CUBN: variants seen among roughly 807,000 people sequenced by gnomAD.
The protein encoded by CUBN is 460 kDa receptor.
In CUBN, 282 loss-of-function variants were observed where a neutral mutation model predicts 405.3. That is an observed-to-expected ratio of 0.70 (90% CI 0.63 to 0.77). CUBN has a LOEUF of 0.77. Among genes scored for constraint, CUBN ranks in the 30% least tolerant of loss-of-function variants. The pLI, the probability that CUBN is intolerant of heterozygous loss-of-function variation, is 0.00. For missense variants in CUBN, 4,514 were observed against 4,475.2 expected (o/e 1.01, Z -0.25); for synonymous variants, 1,684 against 1,617.0 (o/e 1.04, Z -0.99).
chr10:16,825,271 G>A lies in CUBN; in HGVS notation c.10765-189C>T, dbSNP rs190256205. ...GCTTTACAAAGGAATATTTCTGGGC[G>A]TGGGGAGTTGAGGGAAAATGGGGAA... is the stretch of plus-strand genomic sequence containing the variant. On this transcript the variant is annotated intron_variant, in intron 66 of 66. Transcript: ENST00000377833. 2.4e-4 allele frequency among the ~76,000 whole-genome samples: 36 copies of A among 152,206 alleles called. 1 individual carries two copies. The South Asian group carries it at 4.1e-3, about 18-fold the overall frequency.
At chr10:16,877,218 A>C in intron 56 of CUBN, 121 bp from the exon 57 acceptor site, 1 of 880,178 alleles carries the variant, frequency 1.1e-6, no homozygotes, top group Non-Finnish European at 1.8e-6. Flanking sequence ...TAAAATGAGA[A>C]ACGAGATATT....
Position 16,915,963 on chromosome 10 carries a change from T to G in CUBN, c.7068A>C (p.Pro2356=). Residue 2356 remains proline, a synonymous_variant, in exon 46 of 67, where the codon CCA becomes CCC. Transcript: ENST00000377833. ...VVESIGHPTL[P]YRDNLFCEWH... ...ACTCACAGAATAAGTTGTCTCTGTA[T>G]GGAAGTGTTGGATGTCCAATGCTTT... 6.2e-7 allele frequency: 1 copy of G among 1,614,174 alleles called. No individual in the cohort carries two copies. Among genetic ancestry groups the G allele is most frequent in the East Asian group, 2.2e-5 (1 of 44,876 alleles).
intron 31 of CUBN, among the ~76,000 whole-genome samples, chr10:16,975,689 G>A (rs1352194858): frequency 4.2e-5 from 6 of 141,596 alleles, no homozygotes; most frequent in South Asian, 2.3e-4. Flanking sequence ...GGAGTGCAGT[G>A]GTGCAATCTT....
chr10:16,835,154 T>G lies in CUBN; in HGVS notation c.10222A>C (p.Ser3408Arg), dbSNP rs377414794. The G allele has an allele frequency of 2.7e-5, 43 of 1,614,104 alleles. No homozygotes were observed. The highest frequency in any genetic ancestry group is 3.4e-5 in the Non-Finnish European group (40 of 1,180,032). ...TCGTAGTTATCTGGCCATCCAGGGC[T>G]TCTCAGGTTGCCAAATGCCTTGTGA... ...DYHKAFGNLR[S>R]PGWPDNYDND... The change falls in exon 64 of 67, where the codon AGC becomes CGC. Residue 3408 changes from serine to arginine, a missense_variant. Transcript: ENST00000377833.
chr10:16,948,695 A>G, intron 34 of CUBN, 89 bp from the exon 35 acceptor site: 2 of 1,536,022 alleles, frequency 1.3e-6, no homozygotes, highest in South Asian at 2.4e-5. Context: ...TCGAATTACA[A>G]GAGACCAAAA....
At chr10:16,868,514 A>G (rs1840252483) in intron 59 of CUBN, among the ~76,000 whole-genome samples, 1 of 152,196 alleles carries the variant, frequency 6.6e-6, no homozygotes, top group Admixed American at 6.5e-5. Context: ...TCACATCTAT[A>G]TTCAAAAGGA....
intron 53 of CUBN, 63 bp downstream of exon 53, chr10:16,900,562 T>C (rs1841328340): frequency 3.3e-6 from 4 of 1,230,234 alleles, no homozygotes; most frequent in Non-Finnish European, 4.8e-6. Context: ...AAAATGTACA[T>C]ATTATGAGTT....
rs1308046316 is a variant in CUBN, at chr10:16,915,142, G to T, written c.7241C>A (p.Thr2414Asn). 1.9e-6 allele frequency: 3 copies of T among 1,613,858 alleles called. No homozygotes were observed. The highest frequency in any genetic ancestry group is 2.2e-5 in the East Asian group (1 of 44,884). The change falls in exon 47 of 67, where the codon ACC (threonine) becomes AAC (asparagine). Residue 2414 changes from threonine to asparagine, a missense_variant. Coordinates refer to ENST00000377833, the MANE Select transcript of CUBN (RefSeq NM_001081.4). ...AGAAGTGTCTATGCTGTCAGGAATG[G>T]TGTTTCCACAGTATCTGCCCAAGAT... ...GNILGRYCGN[T>N]IPDSIDTSSN...
chr10:16,938,658 AAG>A (rs986483168), intron 38 of CUBN, among the ~76,000 whole-genome samples: 1 of 152,268 alleles, frequency 6.6e-6, no homozygotes, highest in South Asian at 2.1e-4. Context: ...CATAAAAACA[AAG>A]AGGATAGTAG....
chr10:16,870,102 A>G (rs1840307129), intron 58 of CUBN, among the ~76,000 whole-genome samples: 1 of 152,228 alleles, frequency 6.6e-6, no homozygotes, highest in African/African-American at 2.4e-5. Flanking sequence ...TGAGTAAGAT[A>G]CAGTCTTACT....
At chr10:17,061,680 T>A (rs1179188519) in intron 22 of CUBN, among the ~76,000 whole-genome samples, 1 of 152,192 alleles carries the variant, frequency 6.6e-6, no homozygotes, top group Non-Finnish European at 1.5e-5. Flanking sequence ...GAAAGCCCAG[T>A]AGGGCTCATC....
Position 16,828,785 on chromosome 10 carries a change from A to C in CUBN, c.10764+20T>G. ...GTCTAAAAATAACAAATGGGAATAT[A>C]AAATGTTTGTTTTACTCACGCCTCC... On this transcript the variant is annotated intron_variant, in intron 66 of 66. Coordinates refer to ENST00000377833, the MANE Select transcript of CUBN (RefSeq NM_001081.4). 6.5e-7 allele frequency: 1 copy of C among 1,546,718 alleles called. No individual in the cohort carries two copies. The highest frequency in any genetic ancestry group is 8.9e-7 in the Non-Finnish European group (1 of 1,118,818).
At chr10:16,961,704 C>CTTTTTTT (rs138499807) in intron 31 of CUBN, among the ~76,000 whole-genome samples, 6 of 74,048 alleles carry the variant, frequency 8.1e-5, no homozygotes, top group Admixed American at 1.7e-4. Flanking sequence ...AAAGCAATCC[C>CTTTTTTT]TTTTTTTTTT....
intron 40 of CUBN, among the ~76,000 whole-genome samples, chr10:16,930,898 T>C (rs1588660988): frequency 6.6e-6 from 1 of 152,340 alleles, no homozygotes; most frequent in East Asian, 1.9e-4. Flanking sequence ...GAATGTTACA[T>C]GCTTCTGCTA....
At position 17,088,441 on chromosome 10, in the gene CUBN, T is replaced by G; in HGVS notation, c.1766-96A>C. 4.1e-6 allele frequency: 4 copies of G among 973,914 alleles called. No homozygotes were observed. In the South Asian group the frequency reaches 5.6e-5, roughly 14 times the overall value. 60.3% of individuals were successfully genotyped at this position (973,914 alleles called of 1,614,324 possible). A position where few individuals can be genotyped will look rare whatever the true frequency, so the allele number is the denominator to read the frequency against. On this transcript the variant is annotated intron_variant, in intron 14 of 66. Coordinates refer to ENST00000377833, the MANE Select transcript of CUBN (RefSeq NM_001081.4). ...TTGGCGTAAGAAGCCAAACTTTGTT[T>G]AAATAACTATGAGCAGTTTTAGACA... is the stretch of plus-strand genomic sequence containing the variant.
chr10:16,908,492 C>T (rs1841620895), intron 48 of CUBN, among the ~76,000 whole-genome samples: 1 of 152,132 alleles, frequency 6.6e-6, no homozygotes, highest in African/African-American at 2.4e-5. Flanking sequence ...AAATCAATCT[C>T]CATCTGCAAT....
chr10:17,040,159 A>G (rs1186132340), intron 27 of CUBN, among the ~76,000 whole-genome samples: 1 of 152,180 alleles, frequency 6.6e-6, no homozygotes, highest in Non-Finnish European at 1.5e-5. Flanking sequence ...CCACCTTAAA[A>G]ACAACTACCT....
At chr10:17,114,241 A>C (rs769264686) in intron 7 of CUBN, 52 bp from the exon 8 acceptor site, 33 of 1,577,828 alleles carry the variant, frequency 2.1e-5, no homozygotes, top group African/African-American at 4.0e-5. Context: ...ATCAGCAAGA[A>C]AAGCCTTTGA....
In CUBN at chr10:16,918,547, A is replaced by G. The variant is rs148034376; in HGVS notation, c.7000+75T>C. ...AATAATCTCTACAACAAACCCCCAAACACGAATTTACCTATATAACAAATC... is the reference window on the plus strand; with the variant it reads ...AATAATCTCTACAACAAACCCCCAAGCACGAATTTACCTATATAACAAATC... On this transcript the variant is annotated intron_variant, in intron 45 of 66. Transcript: ENST00000377833. 629 of 1,142,468 alleles carry G rather than the reference A, an allele frequency of 5.5e-4. 2 individuals are homozygous for G. The African/African-American group carries it at 7.6e-3, about 14-fold the overall frequency. 70.8% of individuals were successfully genotyped at this position (1,142,468 alleles called of 1,614,324 possible).
Sources: allele counts gnomAD v4.1 joint callset (sites outside exome capture counted in the v4.1 genomes callset), GRCh38; gene constraint gnomAD v4.1.1; transcripts MANE v1.5; gene names NCBI Gene and HGNC (gene_info 2026-07-23, HGNC 2026-07-21).